Variants in IFT57 observed in about 807,000 individuals in gnomAD.
The protein encoded by IFT57 is intraflagellar transport protein 57 homolog.
Under a neutral mutation model 56.8 loss-of-function variants are expected in IFT57, and 59 were observed. The observed-to-expected ratio is 1.04, with a 90% CI of 0.84 to 1.29. IFT57 has a LOEUF of 1.29. IFT57 is among the 50% of genes most tolerant of loss of function. The pLI is 0.00. For synonymous variants in IFT57, 209 were observed against 186.1 expected (o/e 1.12, Z -1.00); for missense variants, 470 against 522.1 (o/e 0.90, Z 0.97).
At chr3:108,206,511 C>A (rs2080314691) in intron 5 of IFT57, 117 bp downstream of exon 5, 1 of 413,476 alleles carries the variant, frequency 2.4e-6, no homozygotes, top group Non-Finnish European at 4.5e-6. Context: ...ATTTTGAGAG[C>A]TACTTTTGAA....
At chr3:108,165,574 T>C (rs2080057847) in intron 8 of IFT57, 81 bp from the exon 9 acceptor site, 1 of 1,032,688 alleles carries the variant, frequency 9.7e-7, no homozygotes, top group Non-Finnish European at 1.5e-6. Context: ...GTGTTTGCAA[T>C]TTCTGCAGGT....
At chr3:108,221,240 T>C (rs1361008062) in intron 1 of IFT57, among the ~76,000 whole-genome samples, 1 of 152,246 alleles carries the variant, frequency 6.6e-6, no homozygotes, top group Non-Finnish European at 1.5e-5. Context: ...AGACATTAAG[T>C]ACTATAGATT....
At chr3:108,201,187 GA>G (rs2080276916) in intron 5 of IFT57, among the ~76,000 whole-genome samples, 1 of 152,176 alleles carries the variant, frequency 6.6e-6, no homozygotes, top group Non-Finnish European at 1.5e-5. Context: ...TTCTGCCATT[GA>G]ATCTACCTTG....
chr3:108,213,896 G>T, intron 4 of IFT57, 35 bp downstream of exon 4: 3 of 1,279,328 alleles, frequency 2.3e-6, no homozygotes, highest in Non-Finnish European at 3.4e-6. Flanking sequence ...TGGCCGAAAG[G>T]TGAAAATGAA....
chr3:108,172,646 T>C (rs1021305380), intron 6 of IFT57, among the ~76,000 whole-genome samples: 1 of 151,822 alleles, frequency 6.6e-6, no homozygotes, highest in Non-Finnish European at 1.5e-5. Flanking sequence ...CAAGGGACAT[T>C]GTAGAGGCAG....
intron 1 of IFT57, among the ~76,000 whole-genome samples, chr3:108,220,641 T>A (rs915769020): frequency 1.3e-5 from 2 of 152,188 alleles, no homozygotes; most frequent in Non-Finnish European, 1.5e-5. Flanking sequence ...CACCAATAGA[T>A]ACTGTAAACC....
rs185719001 is a variant in IFT57 at position 108,220,154 on chromosome 3, G to T, written c.213-582C>A. Among the ~76,000 whole-genome samples, 148 of 152,322 alleles carry T rather than the reference G, an allele frequency of 9.7e-4. 1 individual carries two copies. Among genetic ancestry groups the T allele is most frequent in the African/African-American group, 3.5e-3 (146 of 41,578 alleles). On this transcript the variant is annotated intron_variant, in intron 1 of 10. Transcript: ENST00000264538. Reference sequence around the variant, plus strand: ...GCCCAGTATGGGGTATATTTCAAAAGATTTCTACATGTTTATAAGGTGTAG... The same window carrying T: ...GCCCAGTATGGGGTATATTTCAAAATATTTCTACATGTTTATAAGGTGTAG...
rs370555841 is a variant in IFT57, at chr3:108,171,418, T to C, written c.778-3554A>G. On this transcript the variant is annotated intron_variant, in intron 6 of 10. Coordinates refer to ENST00000264538, the MANE Select transcript of IFT57 (RefSeq NM_018010.4). ...CTACCTGATAGTGAGGGTGCTAGAG[T>C]AGAAAACAAATCAGCACTTTCCTTT... Among the ~76,000 whole-genome samples the C allele has an allele frequency of 4.7e-4, 71 of 151,864 alleles. No individual in the cohort carries two copies. The South Asian group carries it at 0.014, about 31-fold the overall frequency.
chr3:108,207,482 C>A (rs1252899106), intron 4 of IFT57, among the ~76,000 whole-genome samples: 6 of 152,042 alleles, frequency 3.9e-5, no homozygotes, highest in Non-Finnish European at 7.4e-5. Flanking sequence ...GATATTTCAA[C>A]CTTAAGGACA....
intron 6 of IFT57, among the ~76,000 whole-genome samples, chr3:108,180,373 A>T (rs2080145597): frequency 6.6e-6 from 1 of 151,986 alleles, no homozygotes; most frequent in Non-Finnish European, 1.5e-5. Context: ...CAGGGAGTGA[A>T]TCAGGCCTCT....
intron 6 of IFT57, among the ~76,000 whole-genome samples, chr3:108,175,890 G>A (rs1053878407): frequency 5.9e-5 from 9 of 151,504 alleles, no homozygotes; most frequent in African/African-American, 1.9e-4. Context: ...TCACCTTCCC[G>A]TGTGCTGGGA....
chr3:108,218,793 C>A, intron 2 of IFT57, 140 bp from the exon 3 acceptor site: 1 of 464,070 alleles, frequency 2.2e-6, no homozygotes, highest in Non-Finnish European at 3.9e-6. Context: ...CTGCTTCATA[C>A]AAATCCATTT....
intron 3 of IFT57, among the ~76,000 whole-genome samples, chr3:108,216,674 T>A (rs1576051876): frequency 6.6e-6 from 1 of 152,338 alleles, no homozygotes; most frequent in East Asian, 1.9e-4. Context: ...ATATCTGCAC[T>A]CCCATGTTTA....
At chr3:108,180,049 CTG>C (rs1466160408) in intron 6 of IFT57, among the ~76,000 whole-genome samples, 1 of 152,004 alleles carries the variant, frequency 6.6e-6, no homozygotes, top group Admixed American at 6.6e-5. Flanking sequence ...AAATAAAACA[CTG>C]TACATCATCG....
chr3:108,215,911 T>G (rs1216756059), intron 3 of IFT57, among the ~76,000 whole-genome samples: 1 of 152,046 alleles, frequency 6.6e-6, no homozygotes, highest in African/African-American at 2.4e-5. Context: ...TAAATAGTAC[T>G]GGGGAAACTG....
intron 6 of IFT57, among the ~76,000 whole-genome samples, chr3:108,176,586 AG>A (rs2080125240): frequency 6.6e-6 from 1 of 151,880 alleles, no homozygotes; most frequent in Non-Finnish European, 1.5e-5. Flanking sequence ...ACACGAGGGA[AG>A]GTTGCTGCTT....
rs546685280 is a variant in IFT57, at chr3:108,180,640, A to T, written c.777+10881T>A. Among the ~76,000 whole-genome samples the T allele has an allele frequency of 4.6e-5, 7 of 152,148 alleles. No homozygotes were observed. The South Asian group carries it at 1.5e-3, about 32-fold the overall frequency. On this transcript the variant is annotated intron_variant, in intron 6 of 10. Coordinates refer to ENST00000264538, the MANE Select transcript of IFT57 (RefSeq NM_018010.4). ...AATTGTTACTTGGTAGAAGGAAACA[A>T]AATCAAATAAATGGGATAAAAACCA...
chr3:108,198,215 A>G (rs1316451201), intron 5 of IFT57, among the ~76,000 whole-genome samples: 2 of 152,190 alleles, frequency 1.3e-5, no homozygotes, highest in East Asian at 1.9e-4. Context: ...ACCTTAGCAC[A>G]TGTCTATCAA....
chr3:108,176,056 G>A (rs1009313424), intron 6 of IFT57, among the ~76,000 whole-genome samples: 3 of 151,674 alleles, frequency 2.0e-5, no homozygotes, highest in Non-Finnish European at 4.4e-5. Context: ...ATCAAAAAAC[G>A]TTACTTCTAT....
Sources: gnomAD v4.1 joint callset for allele counts (sites outside exome capture counted in the v4.1 genomes callset) on GRCh38, gnomAD v4.1.1 for gene constraint, MANE v1.5 for transcripts, NCBI Gene and HGNC (gene_info 2026-07-23, HGNC 2026-07-21) for gene names.